The following KBTBD11 variants were observed in gnomAD, a reference collection of about 807,000 sequenced individuals.
KBTBD11 encodes the protein kelch repeat and BTB domain containing 11, also known as kelch repeat and BTB domain-containing protein 11.
For synonymous variants in KBTBD11, 747 were observed against 499.0 expected (o/e 1.50, Z -6.63); for missense variants, 1,390 against 1,001.8 (o/e 1.39, Z -5.23).
rs560567428 is a variant in KBTBD11, at chr8:2,001,252, GGAGAGC to G, written c.70_75del (p.Ser24_Glu25del). ...CAGGGACTGAGCCCGGGGCTGCCGG[GGAGAGC>G]GAGAGCGAGGGCGCCGCGTCCCCGG... On this transcript the variant is annotated inframe_deletion, in exon 2 of 2. Transcript: ENST00000320248. 1.8e-5 allele frequency: 27 copies of G among 1,505,566 alleles called. No homozygotes were observed. The highest frequency in any genetic ancestry group is 5.0e-5 in the South Asian group (4 of 80,180). The allele number at this position is 1,505,566 out of a possible 1,614,324, so 93.3% of individuals were successfully genotyped here.
intron 1 of KBTBD11, among the ~76,000 whole-genome samples, chr8:1,987,868 G>A (rs1434539886): frequency 6.6e-6 from 1 of 152,032 alleles, no homozygotes; most frequent in Non-Finnish European, 1.5e-5. Flanking sequence ...TTCTCCTAAT[G>A]CTTTCCCTCC....
In KBTBD11 at chr8:1,982,289, C is replaced by G. The variant is rs142993337; in HGVS notation, c.-909+8354C>G. On this transcript the variant is annotated intron_variant, in intron 1 of 1. Coordinates refer to ENST00000320248, the MANE Select transcript of KBTBD11 (RefSeq NM_014867.3). ...GTAGAAAGTCAAGAATCAAAGCATA[C>G]CACAAGAGAAAGTCTAATCATAAAG... Among the ~76,000 whole-genome samples the G allele has an allele frequency of 3.2e-3, 492 of 152,102 alleles. 7 individuals are homozygous for G. The highest frequency in any genetic ancestry group is 0.012 in the African/African-American group (480 of 41,466).
At chr8:1,984,694 C>G (rs951050292) in intron 1 of KBTBD11, among the ~76,000 whole-genome samples, 1 of 152,124 alleles carries the variant, frequency 6.6e-6, no homozygotes, top group African/African-American at 2.4e-5. Flanking sequence ...ACTTGACTTC[C>G]CACAGGAGCA....
chr8:1,989,885 GC>G (rs1563369094), intron 1 of KBTBD11, among the ~76,000 whole-genome samples: 1 of 148,130 alleles, frequency 6.8e-6, no homozygotes, highest in Non-Finnish European at 1.5e-5. Context: ...ATTTGTGAGG[GC>G]CAGCTCACTA....
intron 1 of KBTBD11, among the ~76,000 whole-genome samples, chr8:1,987,021 A>AC (rs1554525604): frequency 8.3e-5 from 10 of 120,770 alleles, no homozygotes; most frequent in African/African-American, 2.7e-4. Context: ...AAAAAAAAAA[A>AC]AAAAAAAAAA....
chr8:1,984,022 C>T (rs547860288), intron 1 of KBTBD11, among the ~76,000 whole-genome samples: 93 of 152,226 alleles, frequency 6.1e-4, no homozygotes, highest in African/African-American at 1.4e-3. Context: ...TCCAGCTACT[C>T]GGGAGGCTGA....
At chr8:1,993,371 G>T (rs866195449) in intron 1 of KBTBD11, among the ~76,000 whole-genome samples, 1 of 120,924 alleles carries the variant, frequency 8.3e-6, no homozygotes, top group Non-Finnish European at 1.7e-5. Flanking sequence ...CCATCCGTCC[G>T]TCCGTCCGTC....
chr8:1,991,562 G>T (rs905579055), intron 1 of KBTBD11, among the ~76,000 whole-genome samples: 5 of 151,336 alleles, frequency 3.3e-5, no homozygotes, highest in African/African-American at 1.2e-4. Context: ...ATGAGGGCAG[G>T]GCCCTTGCTC....
intron 1 of KBTBD11, among the ~76,000 whole-genome samples, chr8:1,983,844 A>G (rs1384254171): frequency 6.6e-6 from 1 of 152,272 alleles, no homozygotes; most frequent in Non-Finnish European, 1.5e-5. Flanking sequence ...AAAGTCACAC[A>G]TGGGGCTGGG....
At chr8:1,992,729 G>T (rs866762303) in intron 1 of KBTBD11, among the ~76,000 whole-genome samples, 1 of 151,992 alleles carries the variant, frequency 6.6e-6, no homozygotes, top group Non-Finnish European at 1.5e-5. Context: ...TATAAAAGCA[G>T]CATATATTTT....
rs1252767363 is a variant in KBTBD11 at position 1,974,150 on chromosome 8, C to T, written c.-909+215C>T. ...GAGCGGAGGGGAGGGGAGGGGGGAC[C>T]GGGAGAGGAGGGGGCAGCGCTGCCC... is the stretch of plus-strand genomic sequence containing the variant. On this transcript the variant is annotated intron_variant, in intron 1 of 1. Coordinates refer to ENST00000320248, the MANE Select transcript of KBTBD11 (RefSeq NM_014867.3). 6.3e-3 allele frequency among the ~76,000 whole-genome samples: 243 copies of T among 38,450 alleles called. 4 individuals carry two copies. The highest frequency in any genetic ancestry group is 0.048 in the Middle Eastern group (2 of 42). 25.2% of individuals were successfully genotyped at this position (38,450 alleles called of 152,430 possible).
intron 1 of KBTBD11, among the ~76,000 whole-genome samples, chr8:1,980,904 C>A (rs1413021941): frequency 6.6e-6 from 1 of 152,196 alleles, no homozygotes; most frequent in Non-Finnish European, 1.5e-5. Flanking sequence ...CTGAGTTTCC[C>A]GCAGTTTCAT....
At chr8:1,981,724 G>A (rs1402904042) in intron 1 of KBTBD11, among the ~76,000 whole-genome samples, 3 of 152,202 alleles carry the variant, frequency 2.0e-5, no homozygotes, top group African/African-American at 7.2e-5. Flanking sequence ...CTGGAGCTGG[G>A]ACACCGTCTT....
chr8:1,996,195 C>T (rs1187187768), intron 1 of KBTBD11, among the ~76,000 whole-genome samples: 1 of 152,200 alleles, frequency 6.6e-6, no homozygotes. Flanking sequence ...ACGGCCCACC[C>T]AGGCGCTATT....
rs1293074011 is a variant in KBTBD11 at position 2,004,906 on chromosome 8, A to G, written c.*1842A>G. 1 of 167,094 alleles carries G rather than the reference A, an allele frequency of 6.0e-6. No individual in the cohort carries two copies. Among genetic ancestry groups the G allele is most frequent in the Non-Finnish European group, 1.5e-5 (1 of 68,120 alleles). The allele number at this position is 167,094 out of a possible 1,614,324, so 10.4% of individuals were successfully genotyped here. A position where few individuals can be genotyped will look rare whatever the true frequency, so the allele number is the denominator to read the frequency against. ...TGCCTTTTCCTCTAGAATTTTATTA[A>G]TGGTAGAAATTTTTATATGAAATGG... On this transcript the variant is annotated 3_prime_UTR_variant, in exon 2 of 2. Transcript: ENST00000320248.
intron 1 of KBTBD11, among the ~76,000 whole-genome samples, chr8:1,992,204 C>T (rs980884560): frequency 4.7e-4 from 72 of 152,252 alleles, no homozygotes; most frequent in African/African-American, 1.6e-3. Context: ...GGTGAGTTTC[C>T]TCATCCCTGA....
chr8:1,980,022 G>A (rs892446761), intron 1 of KBTBD11, among the ~76,000 whole-genome samples: 3 of 152,190 alleles, frequency 2.0e-5, no homozygotes, highest in African/African-American at 7.2e-5. Context: ...CCTGTAGCCT[G>A]AGCTGGCAGT....
At chr8:1,985,803 T>C (rs529505359) in intron 1 of KBTBD11, among the ~76,000 whole-genome samples, 7 of 152,188 alleles carry the variant, frequency 4.6e-5, no homozygotes, top group Non-Finnish European at 1.0e-4. Context: ...TAACAAACAA[T>C]GAAGTAAAAA....
In KBTBD11 at chr8:2,001,416, A is replaced by AGCG; in HGVS notation, c.227_229dup (p.Arg76dup). On this transcript the variant is annotated inframe_insertion, in exon 2 of 2. Transcript: ENST00000320248. Reference sequence around the variant, plus strand: ...TCCAGCGGTGGCCCGCGGGTGGTGGAGCGGCAGTGGGAGGCCGGCAGCGCG... The same window carrying AGCG: ...TCCAGCGGTGGCCCGCGGGTGGTGGAGCGGCGGCAGTGGGAGGCCGGCAGCGCG... 1 of 1,386,102 alleles carries AGCG rather than the reference A, an allele frequency of 7.2e-7. No individual in the cohort carries two copies. The highest frequency in any genetic ancestry group is 9.3e-7 in the Non-Finnish European group (1 of 1,075,190). 85.9% of individuals were successfully genotyped at this position (1,386,102 alleles called of 1,614,324 possible). A position where few individuals can be genotyped will look rare whatever the true frequency, so the allele number is the denominator to read the frequency against.
Sources: allele counts gnomAD v4.1 joint callset (sites outside exome capture counted in the v4.1 genomes callset), GRCh38; gene constraint gnomAD v4.1.1; transcripts MANE v1.5; gene names NCBI Gene and HGNC (gene_info 2026-07-23, HGNC 2026-07-21).